Variants in ZFPM2 observed in about 807,000 individuals in gnomAD.
The protein encoded by ZFPM2 is zinc finger protein, FOG family member 2, also known as zinc finger protein ZFPM2.
A neutral mutation model predicts 98.6 loss-of-function variants in ZFPM2; 20 were observed. That is an observed-to-expected ratio of 0.20 (90% CI 0.14 to 0.29). ZFPM2 has a LOEUF of 0.29. Ranked by LOEUF, ZFPM2 falls within the 10% of genes least tolerant of loss-of-function variation. The pLI is 1.00. For missense variants in ZFPM2, 1,310 were observed against 1,388.6 expected, an observed-to-expected ratio of 0.94 and a Z score of 0.90; for synonymous variants, 518 against 502.7, an observed-to-expected ratio of 1.03 and a Z score of -0.41.
intron 3 of ZFPM2, among the ~76,000 whole-genome samples, chr8:105,545,537 A>G (rs1240052371): frequency 1.3e-5 from 2 of 152,186 alleles, no homozygotes; most frequent in Non-Finnish European, 2.9e-5. Flanking sequence ...TATAAGGACT[A>G]TATTCTCAAA....
At chr8:105,608,491 CA>C (rs1816240277) in intron 4 of ZFPM2, among the ~76,000 whole-genome samples, 1 of 149,162 alleles carries the variant, frequency 6.7e-6, no homozygotes, top group Non-Finnish European at 1.5e-5. Context: ...ATTAATGTAT[CA>C]AACATTTTTC....
intron 2 of ZFPM2, among the ~76,000 whole-genome samples, chr8:105,443,328 A>AAAAAAAAAAAAAAAAAAAAAC (rs1563661173): frequency 3.4e-5 from 5 of 146,472 alleles, no homozygotes; most frequent in African/African-American, 1.0e-4. Context: ...ACAAAAAACA[A>AAAAAAAAAAAAAAAAAAAAAC]AAAAAAAAAA....
At chr8:105,755,045 G>A (rs547077962) in intron 5 of ZFPM2, among the ~76,000 whole-genome samples, 1 of 152,142 alleles carries the variant, frequency 6.6e-6, no homozygotes, top group South Asian at 2.1e-4. Flanking sequence ...ATGAAGTGCA[G>A]GGAAGGTTAA....
intron 1 of ZFPM2, chr8:105,319,752 G>T (rs1316590621): frequency 1.3e-5 from 2 of 152,310 alleles, no homozygotes; most frequent in South Asian, 4.1e-4. Context: ...CAGCGCGGAA[G>T]CTGTGAGTTC....
chr8:105,424,128 G>A (rs1312587840), intron 2 of ZFPM2, among the ~76,000 whole-genome samples: 1 of 152,226 alleles, frequency 6.6e-6, no homozygotes, highest in South Asian at 2.1e-4. Context: ...AACACCACCT[G>A]TTCCCCCAAA....
chr8:105,446,028 C>T (rs1812362651), intron 3 of ZFPM2, among the ~76,000 whole-genome samples: 1 of 151,990 alleles, frequency 6.6e-6, no homozygotes, highest in Admixed American at 6.6e-5. Flanking sequence ...TAAAGCGATT[C>T]TCCTGCCTCA....
chr8:105,732,123 A>G (rs559678269), intron 5 of ZFPM2, among the ~76,000 whole-genome samples: 1 of 151,868 alleles, frequency 6.6e-6, no homozygotes, highest in Non-Finnish European at 1.5e-5. Context: ...TCTGCCTACA[A>G]CAAAAATGGC....
intron 5 of ZFPM2, among the ~76,000 whole-genome samples, chr8:105,749,420 G>T (rs1812425775): frequency 6.6e-6 from 1 of 152,006 alleles, no homozygotes; most frequent in African/African-American, 2.4e-5. Context: ...ATATTTGGGG[G>T]CAAAAGGACA....
At chr8:105,478,400 G>A (rs952467515) in intron 3 of ZFPM2, among the ~76,000 whole-genome samples, 11 of 152,140 alleles carry the variant, frequency 7.2e-5, no homozygotes, top group African/African-American at 2.4e-4. Context: ...AACTTTATAG[G>A]AATGGAATGT....
At chr8:105,421,698 C>T (rs1236935161) in intron 2 of ZFPM2, among the ~76,000 whole-genome samples, 1 of 152,100 alleles carries the variant, frequency 6.6e-6, no homozygotes, top group Non-Finnish European at 1.5e-5. Flanking sequence ...CTCAATTTTT[C>T]TCAGTGACGC....
intron 2 of ZFPM2, among the ~76,000 whole-genome samples, chr8:105,421,511 A>G (rs780215820): frequency 6.6e-5 from 10 of 152,164 alleles, no homozygotes; most frequent in Non-Finnish European, 1.2e-4. Flanking sequence ...GTGACCAGGG[A>G]ATTCCCACTG....
intron 5 of ZFPM2, among the ~76,000 whole-genome samples, chr8:105,746,099 T>C (rs774124643): frequency 6.6e-6 from 1 of 152,014 alleles, no homozygotes; most frequent in Non-Finnish European, 1.5e-5. Context: ...AAAGAAACTT[T>C]TGAAGTGTAG....
intron 2 of ZFPM2, among the ~76,000 whole-genome samples, chr8:105,426,303 T>C (rs1247495588): frequency 2.6e-5 from 4 of 152,184 alleles, no homozygotes; most frequent in Admixed American, 6.5e-5. Context: ...TATGACTTTG[T>C]TTTTTACCTT....
intron 3 of ZFPM2, among the ~76,000 whole-genome samples, chr8:105,552,900 C>G (rs536727233): frequency 1.3e-5 from 2 of 151,278 alleles, no homozygotes; most frequent in Non-Finnish European, 2.9e-5. Context: ...CTTGATCCCC[C>G]CCGGGCTCAA....
intron 3 of ZFPM2, among the ~76,000 whole-genome samples, chr8:105,498,575 CCT>C (rs1813524058): frequency 1.3e-5 from 2 of 152,162 alleles, no homozygotes; most frequent in Non-Finnish European, 2.9e-5. Flanking sequence ...ATCCTAAACC[CCT>C]CTCTTTTCAT....
intron 1 of ZFPM2, among the ~76,000 whole-genome samples, chr8:105,342,095 T>G (rs1812440548): frequency 6.6e-6 from 1 of 152,054 alleles, no homozygotes; most frequent in South Asian, 2.1e-4. Flanking sequence ...TAGGAATAGA[T>G]GAGTTGACAG....
intron 4 of ZFPM2, among the ~76,000 whole-genome samples, chr8:105,563,863 C>G (rs937404742): frequency 1.3e-5 from 2 of 152,078 alleles, no homozygotes; most frequent in East Asian, 1.9e-4. Flanking sequence ...AGTGTACTGA[C>G]ACTGTATCAG....
At chr8:105,574,388 G>A (rs1047886622) in intron 4 of ZFPM2, among the ~76,000 whole-genome samples, 10 of 152,188 alleles carry the variant, frequency 6.6e-5, no homozygotes, top group African/African-American at 2.4e-4. Flanking sequence ...GCTTCTTTGA[G>A]TTTTCTTTTT....
chr8:105,393,431 T>C, intron 1 of ZFPM2, among the ~76,000 whole-genome samples: 1 of 150,008 alleles, frequency 6.7e-6, no homozygotes, highest in East Asian at 2.0e-4. Flanking sequence ...CTAAAATGAT[T>C]ATATCTCCAG....
Sources: gnomAD v4.1 joint callset for allele counts (sites outside exome capture counted in the v4.1 genomes callset) on GRCh38, gnomAD v4.1.1 for gene constraint, MANE v1.5 for transcripts, NCBI Gene and HGNC (gene_info 2026-07-23, HGNC 2026-07-21) for gene names.